AGXT2: variants seen among roughly 807,000 people sequenced by gnomAD.
AGXT2 encodes the protein alanine--glyoxylate aminotransferase 2.
AGXT2 carries 61 observed loss-of-function variants against 62.5 expected under a neutral mutation model. The observed-to-expected ratio is 0.98, with a 90% confidence interval of 0.79 to 1.21. The LOEUF (loss-of-function observed/expected upper bound fraction) is 1.21, where lower values mean the gene tolerates loss of function less well. Ranked by LOEUF, AGXT2 falls within the 50% of genes most tolerant of loss-of-function variation. The pLI is 0.00. For synonymous variants in AGXT2, 243 were observed against 218.7 expected (o/e 1.11, Z -0.98); for missense variants, 666 against 641.5 (o/e 1.04, Z -0.41).
intron 7 of AGXT2, among the ~76,000 whole-genome samples, chr5:35,031,080 T>A (rs1285870571): frequency 6.6e-6 from 1 of 152,154 alleles, no homozygotes; most frequent in South Asian, 2.1e-4. Context: ...TTCATGCAGC[T>A]CCTCAGTCCT....
intron 9 of AGXT2, among the ~76,000 whole-genome samples, chr5:35,021,761 G>T (rs568811441): frequency 0.022 from 3,282 of 151,752 alleles, 92 homozygotes; most frequent in African/African-American, 0.076. Context: ...CACAGCAAAA[G>T]AAACTACCAT....
At chr5:35,005,748 T>C (rs1766396646) in intron 12 of AGXT2, among the ~76,000 whole-genome samples, 2 of 152,066 alleles carry the variant, frequency 1.3e-5, no homozygotes, top group African/African-American at 2.4e-5. Flanking sequence ...TGCCCATGCC[T>C]GTGCCCCAAC....
chr5:35,030,484 G>A (rs746896181), intron 7 of AGXT2, among the ~76,000 whole-genome samples: 1 of 150,518 alleles, frequency 6.6e-6, no homozygotes, highest in Non-Finnish European at 1.5e-5. Flanking sequence ...CTCCAGTCTG[G>A]GGGACAAGAG....
intron 12 of AGXT2, among the ~76,000 whole-genome samples, chr5:35,004,400 A>G (rs1159893655): frequency 6.6e-6 from 1 of 152,028 alleles, no homozygotes; most frequent in Non-Finnish European, 1.5e-5. Flanking sequence ...TTTCTCCCCC[A>G]AGACTGCATC....
At chr5:35,026,000 G>T in intron 8 of AGXT2, 145 bp from the exon 9 acceptor site, 1 of 739,648 alleles carries the variant, frequency 1.4e-6, no homozygotes, top group Non-Finnish European at 2.4e-6. Flanking sequence ...TTTCCACTGT[G>T]GGTGAAAAGA....
rs10588573 is a variant in AGXT2 at position 35,013,782 on chromosome 5, CAAA to C, written c.1096+202_1096+204del. 5.5e-3 allele frequency among the ~76,000 whole-genome samples: 491 copies of C among 89,052 alleles called. 5 individuals carry two copies. The highest frequency in any genetic ancestry group is 0.022 in the African/African-American group (461 of 20,912). 58.4% of individuals were successfully genotyped at this position (89,052 alleles called of 152,430 possible). A position where few individuals can be genotyped will look rare whatever the true frequency, so the allele number is the denominator to read the frequency against. Reference sequence around the variant, plus strand: ...TGGGTGACAGAGCAAGACTCTGTCTCAAAAAAAAAAAAAAAAAAGGGCTGGCTT... The same window carrying C: ...TGGGTGACAGAGCAAGACTCTGTCTCAAAAAAAAAAAAAAAGGGCTGGCTT... On this transcript the variant is annotated intron_variant, in intron 10 of 13. Coordinates refer to ENST00000231420, the MANE Select transcript of AGXT2 (RefSeq NM_031900.4).
chr5:35,038,969 A>T (rs1480264113), intron 3 of AGXT2, among the ~76,000 whole-genome samples: 3 of 152,102 alleles, frequency 2.0e-5, no homozygotes, highest in African/African-American at 7.2e-5. Flanking sequence ...CCCTCGCCTG[A>T]CAAGCCTGTC....
chr5:35,045,280 C>T (rs1768143237), intron 1 of AGXT2, among the ~76,000 whole-genome samples: 1 of 152,094 alleles, frequency 6.6e-6, no homozygotes, highest in Admixed American at 6.5e-5. Flanking sequence ...TTTATTTTTG[C>T]ATATAAAACA....
In AGXT2 at chr5:35,039,256, G is replaced by C; in HGVS notation, c.362+68C>G. ...AAGATAAGCAAATCAAGAGTTCAGAGTCACTAACATAATTGTTTTCCATGC... is the reference window on the plus strand; with the variant it reads ...AAGATAAGCAAATCAAGAGTTCAGACTCACTAACATAATTGTTTTCCATGC... On this transcript the variant is annotated intron_variant, in intron 3 of 13. Transcript: ENST00000231420. 4 of 1,528,466 alleles carry C rather than the reference G, an allele frequency of 2.6e-6. No homozygotes were observed. The Admixed American group carries it at 6.7e-5, about 26-fold the overall frequency. The allele number at this position is 1,528,466 out of a possible 1,614,324, so 94.7% of individuals were successfully genotyped here. A position where few individuals can be genotyped will look rare whatever the true frequency, so the allele number is the denominator to read the frequency against.
At chr5:35,000,669 C>T (rs1009258583) in intron 13 of AGXT2, among the ~76,000 whole-genome samples, 4 of 152,236 alleles carry the variant, frequency 2.6e-5, no homozygotes, top group African/African-American at 9.6e-5. Flanking sequence ...GCGTGAGCCA[C>T]CGTGCCCGGC....
At chr5:35,027,179 G>T in intron 7 of AGXT2, 1 of 188,990 alleles carries the variant, frequency 5.3e-6, no homozygotes, top group Non-Finnish European at 9.8e-6. Flanking sequence ...CAAGCTGTTT[G>T]GTACACTGTA....
Position 35,037,083 on chromosome 5 carries a change from CAG to C in AGXT2, c.363-20_363-19del, listed in dbSNP as rs539996150. The stretch of plus-strand genomic sequence containing the variant: ...TCACCTTTCTGGATAAGCAGTACAG[CAG>C]AGTTACCTGCACTGCGTGCCACGTC... On this transcript the variant is annotated intron_variant, in intron 3 of 13. Coordinates refer to ENST00000231420, the MANE Select transcript of AGXT2 (RefSeq NM_031900.4). 475 of 1,613,576 alleles carry C rather than the reference CAG, an allele frequency of 2.9e-4. 9 individuals are homozygous for C. The South Asian group carries it at 5.0e-3, about 17-fold the overall frequency.
intron 12 of AGXT2, among the ~76,000 whole-genome samples, chr5:35,008,922 G>A (rs916373837): frequency 6.6e-6 from 1 of 152,170 alleles, no homozygotes; most frequent in African/African-American, 2.4e-5. Flanking sequence ...TGGAGGAAAG[G>A]CACAATTTCC....
At chr5:35,025,192 A>G (rs907558775) in intron 9 of AGXT2, among the ~76,000 whole-genome samples, 3 of 152,138 alleles carry the variant, frequency 2.0e-5, no homozygotes, top group East Asian at 3.9e-4. Flanking sequence ...CCTGGCCAAC[A>G]TGGTGAAACC....
chr5:35,017,553 A>G (rs1049995259), intron 9 of AGXT2, among the ~76,000 whole-genome samples: 1 of 152,184 alleles, frequency 6.6e-6, no homozygotes, highest in Admixed American at 6.5e-5. Context: ...GTCTGCTACC[A>G]TGTAAGATGT....
intron 11 of AGXT2, 100 bp from the exon 12 acceptor site, chr5:35,010,249 C>T: frequency 7.0e-7 from 1 of 1,436,124 alleles, no homozygotes; most frequent in Non-Finnish European, 9.8e-7. Flanking sequence ...TGTAACTTAA[C>T]CAAACAGAAT....
In AGXT2 at chr5:35,040,555, C is replaced by A. The variant is rs754843666; in HGVS notation, c.177+20G>T. ...CAGAGAAACTACCTCTTTGAGTTTT[C>A]TTAAAGCCCTGAATCTCACCTGGTA... On this transcript the variant is annotated intron_variant, in intron 2 of 13. Coordinates refer to ENST00000231420, the MANE Select transcript of AGXT2 (RefSeq NM_031900.4). 39 of 1,607,752 alleles carry A rather than the reference C, an allele frequency of 2.4e-5. No homozygotes were observed. Among genetic ancestry groups the A allele is most frequent in the Non-Finnish European group, 2.8e-5 (33 of 1,174,366 alleles).
chr5:35,036,613 A>G (rs12519332), intron 4 of AGXT2, among the ~76,000 whole-genome samples: 61,083 of 152,194 alleles, frequency 0.4, 13,772 homozygotes, highest in South Asian at 0.59. Context: ...GAGAACATCA[A>G]GAGGCCTACG....
chr5:35,013,618 C>T (rs1405386955), intron 10 of AGXT2, among the ~76,000 whole-genome samples: 2 of 152,100 alleles, frequency 1.3e-5, no homozygotes, highest in African/African-American at 4.8e-5. Context: ...TCCGTTTCTA[C>T]TAAAAATACA....
Sources: allele counts gnomAD v4.1 joint callset (sites outside exome capture counted in the v4.1 genomes callset), GRCh38; gene constraint gnomAD v4.1.1; transcripts MANE v1.5; gene names NCBI Gene and HGNC (gene_info 2026-07-23, HGNC 2026-07-21).